The following FGD5 variants were observed in gnomAD, a reference collection of about 807,000 sequenced individuals.
FGD5 encodes FYVE, RhoGEF and PH domain-containing protein 5.
Under a neutral mutation model 133.4 loss-of-function variants are expected in FGD5, and 28 were observed. That is an observed-to-expected ratio of 0.21 (90% CI 0.16 to 0.29). The LOEUF (loss-of-function observed/expected upper bound fraction) is 0.29, where lower values mean the gene tolerates loss of function less well. FGD5 is among the 10% of genes least tolerant of loss of function. The pLI is 1.00. For missense variants in FGD5, 1,858 were observed against 1,895.2 expected (o/e 0.98, Z 0.36); for synonymous variants, 810 against 776.5 (o/e 1.04, Z -0.72).
intron 1 of FGD5, among the ~76,000 whole-genome samples, chr3:14,850,353 CT>C (rs1559479522): frequency 6.6e-6 from 1 of 152,242 alleles, no homozygotes. Flanking sequence ...TCTCCCACCC[CT>C]GGCCATATTC....
intron 1 of FGD5, among the ~76,000 whole-genome samples, chr3:14,839,286 C>G (rs541994117): frequency 3.3e-5 from 5 of 152,328 alleles, no homozygotes; most frequent in African/African-American, 1.2e-4. Context: ...GGGTGCCTCA[C>G]AGAGCTGTCG....
intron 1 of FGD5, among the ~76,000 whole-genome samples, chr3:14,831,071 G>A (rs1327017537): frequency 3.9e-5 from 6 of 152,186 alleles, no homozygotes; most frequent in Admixed American, 2.0e-4. Flanking sequence ...CGTGAAGGAT[G>A]ATCAGACATC....
chr3:14,825,463 A>G (rs962646228), intron 1 of FGD5, among the ~76,000 whole-genome samples: 3 of 135,546 alleles, frequency 2.2e-5, no homozygotes, highest in Non-Finnish European at 4.5e-5. Flanking sequence ...CCATCTCTAC[A>G]TATATATATA....
chr3:14,820,453 A>C lies in FGD5; in HGVS notation c.1382A>C (p.Glu461Ala). The C allele has an allele frequency of 6.2e-7, 1 of 1,613,860 alleles. No individual in the cohort carries two copies. Among genetic ancestry groups the C allele is most frequent in the Non-Finnish European group, 8.5e-7 (1 of 1,179,850 alleles). Residue 461 changes from glutamate to alanine, a missense_variant, in exon 1 of 20, where the codon GAA becomes GCA. Physicochemically the swap from Glu to Ala is moderately radical, Grantham distance 107. This residue lies in a region of FGD5 where 1,824 missense variants were observed against 1,848.9 expected (regional missense o/e 0.99). Coordinates refer to ENST00000285046, the MANE Select transcript of FGD5 (RefSeq NM_152536.4). ...DALGGYGSKEELNCEAEGGLV... is the reference protein window; with the variant it reads ...DALGGYGSKEALNCEAEGGLV... ...CTGGGTGGTTATGGCTCGAAAGAAG[A>C]ATTGAACTGTGAGGCAGAGGGTGGC...
chr3:14,819,794 C>G lies in FGD5; in HGVS notation c.723C>G (p.Asp241Glu). ...CGGGTCCTGACAGGCCCACGGAGGA[C>G]ATGGGACAGGATGCTGAGGACACCA... ...EGSGPDRPTE[D>E]MGQDAEDTSE... Residue 241 changes from aspartate (D) to glutamate (E), a missense_variant, in exon 1 of 20, where the codon GAC (aspartate) becomes GAG (glutamate). This residue lies in a region of FGD5 where 1,824 missense variants were observed against 1,848.9 expected (regional missense o/e 0.99). Transcript: ENST00000285046. This position sits in a 1 kb window ranked among gnomAD's most constrained non-coding sequence, Gnocchi z 4.1. 1.9e-6 allele frequency: 3 copies of G among 1,574,966 alleles called. No homozygotes were observed.
chr3:14,823,006 A>C (rs2036532958), intron 1 of FGD5, among the ~76,000 whole-genome samples: 1 of 152,222 alleles, frequency 6.6e-6, no homozygotes, highest in Admixed American at 6.5e-5. Flanking sequence ...CGATTTATTT[A>C]TTAGTTCTTT....
Position 14,821,492 on chromosome 3 carries a change from G to A in FGD5, c.2421G>A (p.Gln807=), listed in dbSNP as rs1294454736. Residue 807 remains glutamine (Q), a synonymous_variant, in exon 1 of 20, where the codon CAG becomes CAA. Coordinates refer to ENST00000285046, the MANE Select transcript of FGD5 (RefSeq NM_152536.4). ...CGTTCACGAAGCTGTTTGAAGATCAGAGCAGAGCCCTGTCCACAGCAAACG... is the reference window on the plus strand; with the variant it reads ...CGTTCACGAAGCTGTTTGAAGATCAAAGCAGAGCCCTGTCCACAGCAAACG... ...AGAFTKLFED[Q]SRALSTANEN... 6 of 1,613,884 alleles carry A rather than the reference G, an allele frequency of 3.7e-6. No homozygotes were observed. In the African/African-American group the frequency reaches 6.7e-5, roughly 18 times the overall value.
intron 1 of FGD5, among the ~76,000 whole-genome samples, chr3:14,848,441 A>C (rs1473472384): frequency 6.6e-6 from 1 of 151,978 alleles, no homozygotes; most frequent in East Asian, 1.9e-4. Context: ...CAGCCTTAAC[A>C]CCGCAGGGCT....
At position 14,910,930 on chromosome 3, in the gene FGD5, G is replaced by A; in HGVS notation, c.3405+1G>A. The A allele has an allele frequency of 6.2e-7, 1 of 1,610,870 alleles. No homozygotes were observed. The highest frequency in any genetic ancestry group is 8.5e-7 in the Non-Finnish European group (1 of 1,178,526). ...CAGACGGCCCCGGCACCTATTTCTG[G>A]TAAGTGCCCGGTCCCCAAGCCCAGC... On this transcript the variant is annotated splice_donor_variant, in intron 11 of 19. Coordinates refer to ENST00000285046, the MANE Select transcript of FGD5 (RefSeq NM_152536.4). LOFTEE classifies it high-confidence loss of function.
intron 2 of FGD5, among the ~76,000 whole-genome samples, chr3:14,872,218 C>T (rs1160636404): frequency 6.6e-6 from 1 of 152,156 alleles, no homozygotes; most frequent in African/African-American, 2.4e-5. Flanking sequence ...ATGTGATGAT[C>T]TTTAAACTTT....
At chr3:14,920,030 G>C (rs991443282) in intron 13 of FGD5, among the ~76,000 whole-genome samples, 7 of 152,150 alleles carry the variant, frequency 4.6e-5, no homozygotes, top group Non-Finnish European at 7.4e-5. Context: ...AGGCCCTCGG[G>C]TTGCCTGGGA....
At chr3:14,891,647 C>T (rs1191228118) in intron 4 of FGD5, among the ~76,000 whole-genome samples, 1 of 152,232 alleles carries the variant, frequency 6.6e-6, no homozygotes, top group Non-Finnish European at 1.5e-5. Flanking sequence ...GGCCACCCTC[C>T]TCGTGTCCTC....
chr3:14,835,249 G>C (rs2036794708), intron 1 of FGD5, among the ~76,000 whole-genome samples: 1 of 152,228 alleles, frequency 6.6e-6, no homozygotes, highest in Admixed American at 6.5e-5. Flanking sequence ...TGTAATCCCA[G>C]TACTTTGGGA....
chr3:14,866,843 G>A (rs1168444244), intron 2 of FGD5, among the ~76,000 whole-genome samples: 1 of 152,108 alleles, frequency 6.6e-6, no homozygotes, highest in Non-Finnish European at 1.5e-5. Flanking sequence ...TCCTGTGGGG[G>A]CCAGAGCCAG....
intron 4 of FGD5, 117 bp downstream of exon 4, chr3:14,880,889 A>T: frequency 7.5e-7 from 1 of 1,327,470 alleles, no homozygotes; most frequent in Non-Finnish European, 1.1e-6. Flanking sequence ...GCCTGGCAGC[A>T]GGCAGGCACT....
intron 1 of FGD5, among the ~76,000 whole-genome samples, chr3:14,838,901 C>G (rs766286935): frequency 2.6e-5 from 4 of 152,320 alleles, no homozygotes; most frequent in Middle Eastern, 3.4e-3. Context: ...CCCTCTGCCC[C>G]CTCCTTACCT....
chr3:14,898,767 C>A lies in FGD5; in HGVS notation c.3095C>A (p.Ala1032Glu). Residue 1032 changes from alanine (A) to glutamate (E), a missense_variant, in exon 7 of 20, where the codon GCG becomes GAG. Around this residue, in one of 3 missense-constraint regions of FGD5, gnomAD observed 1,824 missense variants for 1,848.9 expected, o/e 0.99. Coordinates refer to ENST00000285046, the MANE Select transcript of FGD5 (RefSeq NM_152536.4). ...AGTGTACAAGGAGGCAGCCAGACTG[C>A]GAAGCATCGGCTGCTGCGGGTGGTT... Reference protein sequence around the residue: ...EQSVQGGSQTAKHRLLRVVQR... With the variant: ...EQSVQGGSQTEKHRLLRVVQR... 1 of 1,587,342 alleles carries A rather than the reference C, an allele frequency of 6.3e-7. No individual in the cohort carries two copies. The highest frequency in any genetic ancestry group is 8.6e-7 in the Non-Finnish European group (1 of 1,167,286).
chr3:14,820,588 G>T lies in FGD5; in HGVS notation c.1517G>T (p.Gly506Val), dbSNP rs1481024735. The T allele has an allele frequency of 6.2e-7, 1 of 1,608,952 alleles. No individual in the cohort carries two copies. The highest frequency in any genetic ancestry group is 1.1e-5 in the South Asian group (1 of 90,414). ...CCTGAAGAAACCGGACCTGAGGCGG[G>T]CTCGTCAGCCCCTGGCATTGGAGGT... ...TVPEETGPEA[G>V]SSAPGIGGAA... The change falls in exon 1 of 20, where the codon GGC (glycine) becomes GTC (valine). Residue 506 changes from glycine to valine, a missense_variant. Gly to Val is a moderately radical substitution (Grantham distance 109). Transcript: ENST00000285046.
At chr3:14,907,198 A>G (rs2038356885) in intron 9 of FGD5, among the ~76,000 whole-genome samples, 1 of 152,208 alleles carries the variant, frequency 6.6e-6, no homozygotes, top group Non-Finnish European at 1.5e-5. Context: ...CCAGTGAAGT[A>G]CTGACAAGGC....
Sources: allele counts gnomAD v4.1 joint callset (sites outside exome capture counted in the v4.1 genomes callset), GRCh38; gene constraint gnomAD v4.1.1; regional missense constraint gnomAD v4.1.1; non-coding constraint Gnocchi (gnomAD v3.1); transcripts MANE v1.5; gene names NCBI Gene and HGNC (gene_info 2026-07-23, HGNC 2026-07-21).